The following YEATS4 variants were observed in gnomAD, a reference collection of about 807,000 sequenced individuals.
The protein encoded by YEATS4 is YEATS domain containing 4.
A neutral mutation model predicts 30.1 loss-of-function variants in YEATS4; 17 were observed. That is an observed-to-expected ratio of 0.56 (90% CI 0.39 to 0.85). The LOEUF is 0.85. YEATS4 is among the 40% of genes least tolerant of loss of function. The probability of loss-of-function intolerance (pLI) is 0.00; values close to 1 mark genes in which losing one functional copy is unlikely to be tolerated. For missense variants in YEATS4, 142 were observed against 268.3 expected (o/e 0.53, Z 3.29); for synonymous variants, 85 against 87.5 (o/e 0.97, Z 0.16).
chr12:69,408,350 G>T, the YEATS4 span, among the ~76,000 whole-genome samples: 182 of 152,340 alleles, frequency 1.2e-3, no homozygotes, highest in Admixed American at 2.3e-3. Flanking sequence ...CAGTGTGGAT[G>T]ACGGGAGAGA....
intron 4 of YEATS4, among the ~76,000 whole-genome samples, chr12:69,367,643 G>A (rs911993565): frequency 6.6e-6 from 1 of 152,166 alleles, no homozygotes; most frequent in Non-Finnish European, 1.5e-5. Flanking sequence ...TGGGATTACA[G>A]GCATGAGCCA....
chr12:69,374,415 A>AT (rs1368157456), intron 6 of YEATS4, among the ~76,000 whole-genome samples: 1 of 148,938 alleles, frequency 6.7e-6, no homozygotes, highest in African/African-American at 2.5e-5. Flanking sequence ...TTTTTATTTA[A>AT]TTTTTTAGTA....
chr12:69,405,625 A>G, the YEATS4 span, among the ~76,000 whole-genome samples: 1 of 152,236 alleles, frequency 6.6e-6, no homozygotes, highest in Admixed American at 6.5e-5. Context: ...AGTGAATTTG[A>G]TAACAGGCTG....
At chr12:69,402,525 T>C in the YEATS4 span, among the ~76,000 whole-genome samples, 1 of 152,144 alleles carries the variant, frequency 6.6e-6, no homozygotes, top group Non-Finnish European at 1.5e-5. Context: ...AAACTTTTTC[T>C]GAAAAGGGCC....
At chr12:69,421,505 C>T in the YEATS4 span, among the ~76,000 whole-genome samples, 3 of 152,004 alleles carry the variant, frequency 2.0e-5, no homozygotes, top group Admixed American at 6.6e-5. Context: ...CTAGGAGAAC[C>T]AGGAACATAA....
intron 4 of YEATS4, 75 bp downstream of exon 4, chr12:69,365,959 T>C (rs1362447564): frequency 1.1e-5 from 12 of 1,077,506 alleles, no homozygotes; most frequent in South Asian, 1.7e-5. Flanking sequence ...ACTTAATGAA[T>C]AGTGTTCATT....
At chr12:69,362,696 G>T in intron 1 of YEATS4, 92 bp from the exon 2 acceptor site, 1 of 933,162 alleles carries the variant, frequency 1.1e-6, no homozygotes, top group Non-Finnish European at 1.5e-6. Flanking sequence ...TTGTTAGCCT[G>T]CCATTCTTTA....
chr12:69,366,889 A>G (rs1035032153), intron 4 of YEATS4, among the ~76,000 whole-genome samples: 2 of 152,086 alleles, frequency 1.3e-5, no homozygotes, highest in African/African-American at 2.4e-5. Context: ...TTTATTTATT[A>G]ATTTTTGTGA....
intron 6 of YEATS4, among the ~76,000 whole-genome samples, chr12:69,386,332 C>CCT (rs1362514606): frequency 6.6e-6 from 1 of 152,168 alleles, no homozygotes; most frequent in African/African-American, 2.4e-5. Flanking sequence ...ATCAGGTCTC[C>CCT]CTGGCTAGTT....
At chr12:69,404,304 G>A in the YEATS4 span, among the ~76,000 whole-genome samples, 2 of 152,170 alleles carry the variant, frequency 1.3e-5, no homozygotes, top group African/African-American at 2.4e-5. Flanking sequence ...CAATGCAGTT[G>A]CTTGTTGCTA....
At chr12:69,402,231 G>A in the YEATS4 span, among the ~76,000 whole-genome samples, 532 of 152,206 alleles carry the variant, frequency 3.5e-3, 3 homozygotes, top group South Asian at 0.02. Context: ...TCAATGCCAG[G>A]CACAGAGTCT....
chr12:69,375,276 G>A lies in YEATS4; in HGVS notation c.514+4301G>A, dbSNP rs574150783. On this transcript the variant is annotated intron_variant, in intron 6 of 6. Coordinates refer to ENST00000247843, the MANE Select transcript of YEATS4 (RefSeq NM_006530.4). ...TCAGTTTCCAGATGGGGTCGCGGCC[G>A]GGCAGAGGCGCTCTTCACATCTCAG... Among the ~76,000 whole-genome samples the A allele has an allele frequency of 1.5e-4, 22 of 151,222 alleles. No individual in the cohort carries two copies. In the South Asian group the frequency reaches 2.7e-3, roughly 19 times the overall value.
chr12:69,368,523 A>G (rs1414322771), intron 4 of YEATS4, among the ~76,000 whole-genome samples: 1 of 152,194 alleles, frequency 6.6e-6, no homozygotes, highest in Non-Finnish European at 1.5e-5. Flanking sequence ...GAATTTCTTA[A>G]TTGTAAAAGT....
At chr12:69,395,268 A>G (rs1868343052), downstream of YEATS4, among the ~76,000 whole-genome samples, 1 of 152,164 alleles carries the variant, frequency 6.6e-6, no homozygotes, top group South Asian at 2.1e-4. Context: ...TATGCAAGAT[A>G]TGTACAAGAA....
At chr12:69,376,063 T>C (rs1342069654) in intron 6 of YEATS4, among the ~76,000 whole-genome samples, 1 of 152,162 alleles carries the variant, frequency 6.6e-6, no homozygotes, top group East Asian at 1.9e-4. Flanking sequence ...TTTAGGTTTT[T>C]CCAAATATAA....
At chr12:69,394,627 G>T (rs572191049), downstream of YEATS4, among the ~76,000 whole-genome samples, 71 of 152,176 alleles carry the variant, frequency 4.7e-4, no homozygotes, top group African/African-American at 1.6e-3. Flanking sequence ...GTGTTTGTTT[G>T]TTTGTTTGTT....
chr12:69,391,389 T>C (rs1184254840), downstream of YEATS4, among the ~76,000 whole-genome samples: 1 of 152,236 alleles, frequency 6.6e-6, no homozygotes, highest in Non-Finnish European at 1.5e-5. Flanking sequence ...CTCTCCTCTT[T>C]AGCCTCTTCT....
intron 2 of YEATS4, 59 bp from the exon 3 acceptor site, chr12:69,365,574 A>G: frequency 1.6e-6 from 2 of 1,249,858 alleles, no homozygotes; most frequent in East Asian, 2.3e-5. Context: ...CGCTCAGTGT[A>G]TTTTTTTTCC....
intron 2 of YEATS4, 40 bp downstream of exon 2, chr12:69,362,947 T>C (rs1296958076): frequency 6.7e-7 from 1 of 1,490,878 alleles, no homozygotes; most frequent in Non-Finnish European, 8.9e-7. Context: ...TACTTAAAGT[T>C]GTCTGTAATT....
Sources: allele counts gnomAD v4.1 joint callset (sites outside exome capture counted in the v4.1 genomes callset), GRCh38; gene constraint gnomAD v4.1.1; transcripts MANE v1.5; gene names NCBI Gene and HGNC (gene_info 2026-07-23, HGNC 2026-07-21).